Variants in ZNF804B observed in about 807,000 individuals in gnomAD.
ZNF804B encodes the protein zinc finger 804B.
A neutral mutation model predicts 101.4 loss-of-function variants in ZNF804B; 80 were observed. The ratio of observed to expected loss-of-function variants is 0.79; its 90% CI spans 0.66 to 0.95. The LOEUF (loss-of-function observed/expected upper bound fraction) is 0.95. ZNF804B is among the 40% of genes least tolerant of loss of function. The pLI, the probability that ZNF804B is intolerant of heterozygous loss-of-function variation, is 0.00. For missense variants in ZNF804B, 1,673 were observed against 1,561.9 expected (o/e 1.07, Z -1.20); for synonymous variants, 622 against 558.8 (o/e 1.11, Z -1.59).
intron 1 of ZNF804B, among the ~76,000 whole-genome samples, chr7:89,017,076 G>A (rs1214020276): frequency 6.6e-6 from 1 of 152,072 alleles, no homozygotes; most frequent in Non-Finnish European, 1.5e-5. Flanking sequence ...AGATTCCTAG[G>A]TATTTTATTC....
intron 2 of ZNF804B, among the ~76,000 whole-genome samples, chr7:89,290,663 G>C (rs1406024242): frequency 6.6e-6 from 1 of 152,142 alleles, no homozygotes; most frequent in Non-Finnish European, 1.5e-5. Flanking sequence ...AGAGGTAAAA[G>C]GGGGAAGGAC....
intron 1 of ZNF804B, among the ~76,000 whole-genome samples, chr7:88,784,147 G>A (rs1258668404): frequency 1.3e-5 from 2 of 152,090 alleles, no homozygotes; most frequent in Non-Finnish European, 2.9e-5. Flanking sequence ...AAATTTCAGA[G>A]CAAAATTTAT....
rs145274114 is a variant in ZNF804B at position 88,906,172 on chromosome 7, T to A, written c.108+146088T>A. On this transcript the variant is annotated intron_variant, in intron 1 of 3. Transcript: ENST00000333190. ...TGGATCTTTTTTTTCTTTGTTTCTC[T>A]AGCTCACAGTCTATCAACCGTTTTT... Among the ~76,000 whole-genome samples, 480 of 152,224 alleles carry A rather than the reference T, an allele frequency of 3.2e-3. 2 individuals carry two copies. The highest frequency in any genetic ancestry group is 0.011 in the African/African-American group (444 of 41,558).
chr7:88,997,353 A>G (rs970997680), intron 1 of ZNF804B, among the ~76,000 whole-genome samples: 1 of 152,134 alleles, frequency 6.6e-6, no homozygotes, highest in Non-Finnish European at 1.5e-5. Context: ...TTGTTAGATT[A>G]TCCTCACTTA....
At chr7:89,320,818 G>A (rs1790806759) in intron 2 of ZNF804B, among the ~76,000 whole-genome samples, 2 of 151,942 alleles carry the variant, frequency 1.3e-5, no homozygotes, top group African/African-American at 4.8e-5. Flanking sequence ...TAAGAAGATA[G>A]CAGACATTTT....
At chr7:88,854,671 G>C (rs1335766862) in intron 1 of ZNF804B, among the ~76,000 whole-genome samples, 1 of 146,958 alleles carries the variant, frequency 6.8e-6, no homozygotes, top group Admixed American at 6.9e-5. Context: ...AGTTACATGT[G>C]TATACATGTG....
intron 1 of ZNF804B, among the ~76,000 whole-genome samples, chr7:89,046,862 T>C (rs565906444): frequency 6.6e-6 from 1 of 152,190 alleles, no homozygotes; most frequent in South Asian, 2.1e-4. Context: ...TAATCAATTA[T>C]ATCACTGGTG....
intron 2 of ZNF804B, among the ~76,000 whole-genome samples, chr7:89,300,492 C>T (rs929458084): frequency 4.0e-5 from 6 of 151,772 alleles, no homozygotes; most frequent in African/African-American, 1.5e-4. Flanking sequence ...GAAGGTAAGC[C>T]TCTGACAGCA....
At chr7:88,898,331 C>A (rs926630762) in intron 1 of ZNF804B, among the ~76,000 whole-genome samples, 3 of 152,018 alleles carry the variant, frequency 2.0e-5, no homozygotes, top group Non-Finnish European at 2.9e-5. Context: ...TGTGATCCAC[C>A]CGCCTCGGCC....
intron 1 of ZNF804B, among the ~76,000 whole-genome samples, chr7:89,206,851 G>A (rs1318765798): frequency 6.6e-6 from 1 of 152,142 alleles, no homozygotes; most frequent in African/African-American, 2.4e-5. Flanking sequence ...AATTTCTTCT[G>A]CCAGATGCCC....
At chr7:88,911,617 T>G (rs1792551870) in intron 1 of ZNF804B, among the ~76,000 whole-genome samples, 1 of 151,546 alleles carries the variant, frequency 6.6e-6, no homozygotes, top group Non-Finnish European at 1.5e-5. Context: ...TCATTTATTC[T>G]ATTGATGCAA....
chr7:88,811,492 T>C (rs1790786415), intron 1 of ZNF804B, among the ~76,000 whole-genome samples: 1 of 152,180 alleles, frequency 6.6e-6, no homozygotes, highest in Non-Finnish European at 1.5e-5. Context: ...CAAAGGACTA[T>C]AAAACATTCT....
In ZNF804B at chr7:88,794,175, T is replaced by G. The variant is rs55769925; in HGVS notation, c.108+34091T>G. The G allele has an allele frequency of 4.1e-3, 6,552 of 1,596,148 alleles. 28 individuals are homozygous for G. Among genetic ancestry groups the G allele is most frequent in the South Asian group, 8.2e-3 (726 of 88,842 alleles). ...AAGAGACATGGGCACATTATCCCTC[T>G]CAATCCTAGAAACGTGAAGGAGCAG... On this transcript the variant is annotated intron_variant, in intron 1 of 3. Transcript: ENST00000333190.
intron 1 of ZNF804B, among the ~76,000 whole-genome samples, chr7:88,780,455 CA>C (rs1378511799): frequency 1.1e-4 from 15 of 139,748 alleles, no homozygotes; most frequent in African/African-American, 3.1e-4. Flanking sequence ...GTGGCATGAG[CA>C]TGGCTCATTG....
chr7:89,076,594 T>C (rs1236365519), intron 1 of ZNF804B, among the ~76,000 whole-genome samples: 1 of 152,108 alleles, frequency 6.6e-6, no homozygotes, highest in Non-Finnish European at 1.5e-5. Context: ...ATAAGAAAAA[T>C]ATTGTCAAAT....
intron 1 of ZNF804B, among the ~76,000 whole-genome samples, chr7:89,158,847 C>G (rs34344611): frequency 0.2 from 31,034 of 152,002 alleles, 3,378 homozygotes; most frequent in Middle Eastern, 0.39. Flanking sequence ...CATTTTAAGA[C>G]AGTTAAAATG....
chr7:89,318,074 C>G (rs531122531), intron 2 of ZNF804B, among the ~76,000 whole-genome samples: 96 of 152,330 alleles, frequency 6.3e-4, no homozygotes, highest in African/African-American at 2.1e-3. Flanking sequence ...TAATAAACCT[C>G]ATTTATGGTG....
chr7:88,851,146 G>A (rs1483322557), intron 1 of ZNF804B, among the ~76,000 whole-genome samples: 1 of 152,106 alleles, frequency 6.6e-6, no homozygotes, highest in Non-Finnish European at 1.5e-5. Flanking sequence ...TTGTTGGTGA[G>A]TTGTGAAACA....
At chr7:88,803,943 C>A (rs76016502) in intron 1 of ZNF804B, among the ~76,000 whole-genome samples, 1 of 151,942 alleles carries the variant, frequency 6.6e-6, no homozygotes, top group Admixed American at 6.6e-5. Flanking sequence ...AAAGAGGCAA[C>A]AACAAATCAG....
Sources: allele counts gnomAD v4.1 joint callset (sites outside exome capture counted in the v4.1 genomes callset), GRCh38; gene constraint gnomAD v4.1.1; transcripts MANE v1.5; gene names NCBI Gene and HGNC (gene_info 2026-07-23, HGNC 2026-07-21).